Variants in TMBIM4 observed in about 807,000 individuals in gnomAD.
The protein encoded by TMBIM4 is protein lifeguard 4.
Under a neutral mutation model 27.7 loss-of-function variants are expected in TMBIM4, and 28 were observed. The observed-to-expected ratio is 1.01, with a 90% CI of 0.75 to 1.38. The LOEUF is 1.38. Among genes scored for constraint, TMBIM4 ranks in the 40% most tolerant of loss-of-function variants. TMBIM4 has a pLI of 0.00. For synonymous variants in TMBIM4, 115 were observed against 113.1 expected (o/e 1.02, Z -0.11); for missense variants, 265 against 277.5 (o/e 0.95, Z 0.32).
chr12:66,158,227 C>CAAAAA (rs397947155), intron 1 of TMBIM4, among the ~76,000 whole-genome samples: 1 of 112,430 alleles, frequency 8.9e-6, no homozygotes, highest in Non-Finnish European at 1.8e-5. Context: ...CTCCGTCTCA[C>CAAAAA]AAAAAAAAAA....
chr12:66,153,230 T>C, intron 2 of TMBIM4, 110 bp downstream of exon 2: 1 of 689,442 alleles, frequency 1.5e-6, no homozygotes, highest in Non-Finnish European at 2.5e-6. Flanking sequence ...TGAACCTTTT[T>C]TACATTTTAA....
At chr12:66,155,066 A>G (rs1167554560) in intron 1 of TMBIM4, among the ~76,000 whole-genome samples, 1 of 152,108 alleles carries the variant, frequency 6.6e-6, no homozygotes, top group African/African-American at 2.4e-5. Flanking sequence ...ATGCTTTGGG[A>G]GGTCATTTCT....
intron 5 of TMBIM4, 37 bp downstream of exon 5, chr12:66,145,804 C>T (rs1192471215): frequency 8.5e-7 from 1 of 1,170,376 alleles, no homozygotes; most frequent in Non-Finnish European, 1.3e-6. Context: ...TAATTAAAGA[C>T]ATCTATCTAT....
intron 1 of TMBIM4, among the ~76,000 whole-genome samples, chr12:66,168,212 C>A (rs1253063781): frequency 6.7e-6 from 1 of 150,282 alleles, no homozygotes; most frequent in Non-Finnish European, 1.5e-5. Context: ...CAAAGCGAGA[C>A]CCTGTCTCAA....
At chr12:66,141,383 TAATAATTTA>T (rs2051665567) in intron 5 of TMBIM4, among the ~76,000 whole-genome samples, 3 of 152,076 alleles carry the variant, frequency 2.0e-5, no homozygotes, top group African/African-American at 7.2e-5. Context: ...GAGGATAGAC[TAATAATTTA>T]AAGTCATATA....
Position 66,138,180 on chromosome 12 carries a change from A to G in TMBIM4, c.511-14T>C, listed in dbSNP as rs1353716772. ...ATAAAAAAAAAACTATAGGGAAGAG[A>G]TTAAAGAAATATGTTTATATTTGAG... On this transcript the variant is annotated splice_polypyrimidine_tract_variant and intron_variant, in intron 6 of 6. Transcript: ENST00000358230. 1.2e-6 allele frequency: 2 copies of G among 1,601,654 alleles called. No individual in the cohort carries two copies. The highest frequency in any genetic ancestry group is 1.4e-5 in the African/African-American group (1 of 73,834).
intron 4 of TMBIM4, among the ~76,000 whole-genome samples, chr12:66,147,533 G>A (rs1279189221): frequency 2.6e-5 from 4 of 152,196 alleles, no homozygotes; most frequent in Non-Finnish European, 4.4e-5. Flanking sequence ...GTTTGGCACA[G>A]GCCAGTTAAA....
At chr12:66,166,464 C>CAAAAAAAAAA (rs59822799) in intron 1 of TMBIM4, among the ~76,000 whole-genome samples, 1 of 100,700 alleles carries the variant, frequency 9.9e-6, no homozygotes, top group African/African-American at 3.8e-5. Flanking sequence ...TACTTTGTCT[C>CAAAAAAAAAA]AAAAAAAAAA....
In TMBIM4 at chr12:66,145,963, AAAATT is replaced by A; in HGVS notation, c.347-10_347-6del. 1 of 1,462,298 alleles carries A rather than the reference AAAATT, an allele frequency of 6.8e-7. No homozygotes were observed. Among genetic ancestry groups the A allele is most frequent in the Non-Finnish European group, 9.5e-7 (1 of 1,055,196 alleles). The allele number at this position is 1,462,298 out of a possible 1,614,324, so 90.6% of individuals were successfully genotyped here. A position where few individuals can be genotyped will look rare whatever the true frequency, so the allele number is the denominator to read the frequency against. ...TATATACATCATAGAAAGTAACTGT[AAAATT>A]AAAACACTGATTAACATGCATATAA... On this transcript the variant is annotated splice_region_variant and splice_polypyrimidine_tract_variant and intron_variant, in intron 4 of 6. Coordinates refer to ENST00000358230, the MANE Select transcript of TMBIM4 (RefSeq NM_016056.4).
chr12:66,163,877 C>T (rs1436560828), intron 1 of TMBIM4, among the ~76,000 whole-genome samples: 1 of 152,172 alleles, frequency 6.6e-6, no homozygotes, highest in Non-Finnish European at 1.5e-5. Flanking sequence ...AAAGACACTA[C>T]AAGAAAACTG....
intron 1 of TMBIM4, among the ~76,000 whole-genome samples, chr12:66,164,067 G>A (rs1173304018): frequency 1.3e-5 from 2 of 152,160 alleles, no homozygotes; most frequent in African/African-American, 2.4e-5. Flanking sequence ...AATGTTGGGG[G>A]AAAAAGAAAC....
intron 1 of TMBIM4, chr12:66,168,719 C>T (rs1178563517): frequency 6.6e-6 from 1 of 152,268 alleles, no homozygotes; most frequent in African/African-American, 2.4e-5. Flanking sequence ...TTTTCTCCCA[C>T]CAAGCGGCAG....
chr12:66,161,918 G>A (rs1345607887), intron 1 of TMBIM4, among the ~76,000 whole-genome samples: 1 of 152,160 alleles, frequency 6.6e-6, no homozygotes, highest in Admixed American at 6.5e-5. Flanking sequence ...ATAGTTGGAA[G>A]AGCAGCCAAC....
chr12:66,163,382 C>T (rs11176067), intron 1 of TMBIM4, among the ~76,000 whole-genome samples: 45,154 of 152,024 alleles, frequency 0.3, 7,232 homozygotes, highest in South Asian at 0.42. Flanking sequence ...AAGAACTCCC[C>T]GAGACTGGGT....
At chr12:66,162,614 T>C (rs1303292034) in intron 1 of TMBIM4, among the ~76,000 whole-genome samples, 1 of 152,202 alleles carries the variant, frequency 6.6e-6, no homozygotes, top group African/African-American at 2.4e-5. Context: ...AAAATAGTTG[T>C]TTGCCAGTTC....
intron 5 of TMBIM4, among the ~76,000 whole-genome samples, chr12:66,140,149 C>A (rs1020467432): frequency 3.3e-5 from 5 of 151,896 alleles, no homozygotes; most frequent in Non-Finnish European, 7.4e-5. Context: ...AAATATGACC[C>A]ATAACAAGGA....
rs775550390 is a variant in TMBIM4 at position 66,137,989 on chromosome 12, G to GT, written c.687dup (p.Arg230ThrfsTer7). 19 of 1,613,632 alleles carry GT rather than the reference G, an allele frequency of 1.2e-5. No homozygotes were observed. In the East Asian group the frequency reaches 3.6e-4, roughly 30 times the overall value. On this transcript the variant is annotated frameshift_variant, in exon 7 of 7. Transcript: ENST00000358230. LOFTEE classifies it high-confidence loss of function. The stretch of plus-strand genomic sequence containing the variant: ...TTTTTATTAACTGCTTCCAGAAACC[G>GT]TAACAGGTGCAGGAATAGATTGATG...
intron 6 of TMBIM4, 72 bp downstream of exon 6, chr12:66,138,652 T>C: frequency 1.7e-6 from 2 of 1,151,082 alleles, no homozygotes; most frequent in Non-Finnish European, 2.5e-6. Context: ...GTATCTCTTA[T>C]AGCTTTTTGA....
chr12:66,169,374 C>G (rs978515955), intron 1 of TMBIM4: 2 of 633,008 alleles, frequency 3.2e-6, no homozygotes. Context: ...GAAATAGTGC[C>G]GTCAGGGAGC....
Sources: gnomAD v4.1 joint callset for allele counts (sites outside exome capture counted in the v4.1 genomes callset) on GRCh38, gnomAD v4.1.1 for gene constraint, MANE v1.5 for transcripts, NCBI Gene and HGNC (gene_info 2026-07-23, HGNC 2026-07-21) for gene names.